CEACAM21: variants seen among roughly 807,000 people sequenced by gnomAD.
CEACAM21 encodes cell adhesion molecule CEACAM21.
CEACAM21 carries 38 observed loss-of-function variants against 33.2 expected under a neutral mutation model. That is an observed-to-expected ratio of 1.14 (90% CI 0.88 to 1.50). The LOEUF (loss-of-function observed/expected upper bound fraction) is 1.50, where lower values mean the gene tolerates loss of function less well. CEACAM21 is among the 40% of genes most tolerant of loss of function. The probability of loss-of-function intolerance (pLI) is 0.00; values close to 1 mark genes in which losing one functional copy is unlikely to be tolerated. For missense variants in CEACAM21, 385 were observed against 364.6 expected (o/e 1.06, Z -0.46); for synonymous variants, 156 against 143.0 (o/e 1.09, Z -0.65).
rs1285581327 is a variant in CEACAM21, at chr19:41,579,557, G to A, written c.629G>A (p.Gly210Glu). Residue 210 changes from glycine to glutamate, a missense_variant, in exon 3 of 7, where the codon GGG (glycine) becomes GAG (glutamate). Transcript: ENST00000401445. ...GACCCCATCAGGCAGGAGGACGCTG[G>A]GGAGTATCAGTGTGAGGTCTCCAAC... ...TIDPIRQEDA[G>E]EYQCEVSNPV... is the part of the protein sequence containing the mutation. 3 of 1,605,240 alleles carry A rather than the reference G, an allele frequency of 1.9e-6. No homozygotes were observed. The highest frequency in any genetic ancestry group is 2.6e-6 in the Non-Finnish European group (3 of 1,175,724).
chr19:41,575,011 A>G (rs556285732), upstream of CEACAM21, among the ~76,000 whole-genome samples: 18 of 152,382 alleles, frequency 1.2e-4, no homozygotes, highest in South Asian at 3.3e-3. Context: ...AGCCATAAAT[A>G]GGAAAGAAGC....
Position 41,579,387 on chromosome 19 carries a change from C to T in CEACAM21, c.459C>T (p.Ser153=), listed in dbSNP as rs782315686. ...SVAQPSIQAS[S]TTVTEKGSVV... is the part of the protein sequence containing the mutation. ...CTCAGCCCTCCATCCAAGCCAGCAG[C>T]ACCACAGTCACAGAGAAGGGCTCCG... Residue 153 remains serine (S), a synonymous_variant, in exon 3 of 7, where the codon AGC becomes AGT. Coordinates refer to ENST00000401445, the MANE Select transcript of CEACAM21 (RefSeq NM_001098506.4). 1.9e-6 allele frequency: 3 copies of T among 1,613,980 alleles called. No homozygotes were observed. The Admixed American group carries it at 5.0e-5, about 27-fold the overall frequency.
At chr19:41,583,082 C>A (rs1353622948) in intron 3 of CEACAM21, among the ~76,000 whole-genome samples, 4 of 152,152 alleles carry the variant, frequency 2.6e-5, no homozygotes, top group African/African-American at 9.7e-5. Flanking sequence ...TAACAGTACC[C>A]AAGTCACATC....
intron 2 of CEACAM21, among the ~76,000 whole-genome samples, chr19:41,568,281 A>G (rs1555788719): frequency 2.0e-5 from 3 of 151,220 alleles, no homozygotes; most frequent in Admixed American, 2.0e-4. Flanking sequence ...AAAGCTTTTT[A>G]GTTTGATGAA....
At chr19:41,570,343 C>T (rs1415197312) in intron 2 of CEACAM21, among the ~76,000 whole-genome samples, 1 of 152,116 alleles carries the variant, frequency 6.6e-6, no homozygotes, top group African/African-American at 2.4e-5. Context: ...GGCTGGCAAC[C>T]CTGGATGGGC....
chr19:41,562,189 T>G (rs1263803613), intron 1 of CEACAM21, among the ~76,000 whole-genome samples: 1 of 151,722 alleles, frequency 6.6e-6, no homozygotes, highest in Non-Finnish European at 1.5e-5. Flanking sequence ...GAGGTTGCAG[T>G]GAGCCGAGAT....
At chr19:41,549,660 T>C (rs2041107357) in intron 1 of CEACAM21, 1 of 152,182 alleles carries the variant, frequency 6.6e-6, no homozygotes, top group Non-Finnish European at 1.5e-5. Context: ...GTTGGGTTTT[T>C]TGATGTGGTG....
rs1555792388 is a variant in CEACAM21, at chr19:41,579,340, A to G, written c.425-13A>G. On this transcript the variant is annotated splice_polypyrimidine_tract_variant and intron_variant, in intron 2 of 6. Transcript: ENST00000401445. The stretch of plus-strand genomic sequence containing the variant: ...GGCCCCAAGACACTTTCTGTTGGTC[A>G]CTCTATCCACAGAGTCAGTGGCTCA... The G allele has an allele frequency of 1.2e-6, 2 of 1,613,666 alleles. No homozygotes were observed. Among genetic ancestry groups the G allele is most frequent in the South Asian group, 1.1e-5 (1 of 91,060 alleles).
At chr19:41,561,157 G>A (rs2041859845) in intron 1 of CEACAM21, among the ~76,000 whole-genome samples, 1 of 152,142 alleles carries the variant, frequency 6.6e-6, no homozygotes, top group Non-Finnish European at 1.5e-5. Context: ...TTGAATAACA[G>A]CAAATGCAAT....
At chr19:41,552,715 C>T (rs1555784666) in intron 1 of CEACAM21, among the ~76,000 whole-genome samples, 1 of 152,096 alleles carries the variant, frequency 6.6e-6, no homozygotes, top group Admixed American at 6.5e-5. Context: ...TATGGGGCAC[C>T]GAATGCAGCA....
chr19:41,554,674 A>G (rs1022412997), intron 1 of CEACAM21, among the ~76,000 whole-genome samples: 7 of 151,986 alleles, frequency 4.6e-5, no homozygotes, highest in African/African-American at 1.7e-4. Context: ...TATTTACCCA[A>G]TTTTAATGTT....
chr19:41,566,897 C>A (rs1277005286), intron 2 of CEACAM21, among the ~76,000 whole-genome samples: 1 of 152,202 alleles, frequency 6.6e-6, no homozygotes, highest in East Asian at 1.9e-4. Context: ...TTACATTTAT[C>A]GAGATAGTTG....
intron 1 of CEACAM21, among the ~76,000 whole-genome samples, chr19:41,553,218 C>T (rs1398243060): frequency 6.6e-6 from 1 of 151,952 alleles, no homozygotes; most frequent in African/African-American, 2.4e-5. Flanking sequence ...CGCTTCCCTG[C>T]CTCAGCCCCT....
At chr19:41,549,855 A>G (rs868961310) in intron 1 of CEACAM21, among the ~76,000 whole-genome samples, 1 of 151,298 alleles carries the variant, frequency 6.6e-6, no homozygotes, top group Admixed American at 6.6e-5. Context: ...ACCGTGCCCA[A>G]TTTTTTTTTA....
At chr19:41,570,594 T>A (rs1555789261) in intron 2 of CEACAM21, among the ~76,000 whole-genome samples, 2 of 152,150 alleles carry the variant, frequency 1.3e-5, no homozygotes, top group African/African-American at 4.8e-5. Flanking sequence ...CCCAACATCC[T>A]GGATCCTGAC....
In CEACAM21 at chr19:41,576,331, G is replaced by T. The variant is rs2042942171; in HGVS notation, c.57G>T (p.Leu19Phe). 6.2e-7 allele frequency: 1 copy of T among 1,610,896 alleles called. No individual in the cohort carries two copies. Among genetic ancestry groups the T allele is most frequent in the Non-Finnish European group, 8.5e-7 (1 of 1,178,190 alleles). The change falls in exon 1 of 7, where the codon TTG becomes TTT. Residue 19 changes from leucine (L) to phenylalanine (F), a missense_variant. Physicochemically the swap from Leu to Phe is conservative, Grantham distance 22 (BLOSUM62 0). Coordinates refer to ENST00000401445, the MANE Select transcript of CEACAM21 (RefSeq NM_001098506.4). ...AATGCATCCCCTGGCAGGGGCTCTT[G>T]CTCACAGGTGAGGGGAGGACTCCCT... is the stretch of plus-strand genomic sequence containing the variant. ...HRECIPWQGL[L>F]LTASLLTFWN...
intron 1 of CEACAM21, among the ~76,000 whole-genome samples, chr19:41,558,511 G>C (rs541510754): frequency 4.6e-5 from 7 of 152,040 alleles, no homozygotes; most frequent in Non-Finnish European, 7.4e-5. Flanking sequence ...GCCTTGCTTG[G>C]TGGCACATGC....
chr19:41,559,040 G>C (rs150984595), intron 1 of CEACAM21, among the ~76,000 whole-genome samples: 278 of 152,256 alleles, frequency 1.8e-3, no homozygotes, highest in African/African-American at 6.4e-3. Context: ...ACCTGTAATT[G>C]ATAAATCAAG....
Position 41,585,883 on chromosome 19 carries a change from C to G in CEACAM21, c.*12C>G. On this transcript the variant is annotated intron_variant, in intron 6 of 6. Transcript: ENST00000401445. Reference sequence around the variant, plus strand: ...GCTCCATCTCCTAGGTAAGACTGTCCGTTCCCAATCCCATTTCCACTGGGG... The same window carrying G: ...GCTCCATCTCCTAGGTAAGACTGTCGGTTCCCAATCCCATTTCCACTGGGG... 1 of 1,612,404 alleles carries G rather than the reference C, an allele frequency of 6.2e-7. No homozygotes were observed. Among genetic ancestry groups the G allele is most frequent in the East Asian group, 2.2e-5 (1 of 44,848 alleles).
Sources: allele counts gnomAD v4.1 joint callset (sites outside exome capture counted in the v4.1 genomes callset), GRCh38; gene constraint gnomAD v4.1.1; transcripts MANE v1.5; gene names NCBI Gene and HGNC (gene_info 2026-07-23, HGNC 2026-07-21).